The following APBB2 variants were observed in gnomAD, a reference collection of about 807,000 sequenced individuals.
APBB2 encodes the protein Fe65-like 1.
In APBB2, 38 loss-of-function variants were observed where a neutral mutation model predicts 82.5. That is an observed-to-expected ratio of 0.46 (90% confidence interval 0.36 to 0.60). The LOEUF (loss-of-function observed/expected upper bound fraction) is 0.60, where lower values mean the gene tolerates loss of function less well. Ranked by LOEUF, APBB2 falls within the 20% of genes least tolerant of loss-of-function variation. The pLI is 0.00. For synonymous variants in APBB2, 341 were observed against 368.2 expected, an observed-to-expected ratio of 0.93 and a Z score of 0.85; for missense variants, 772 against 972.3, an observed-to-expected ratio of 0.79 and a Z score of 2.74.
intron 4 of APBB2, among the ~76,000 whole-genome samples, chr4:41,050,844 G>A (rs1335606629): frequency 6.6e-6 from 1 of 152,124 alleles, no homozygotes; most frequent in Admixed American, 6.6e-5. Context: ...ACTTATCCTG[G>A]AACAACCTGC....
intron 6 of APBB2, among the ~76,000 whole-genome samples, chr4:40,961,178 A>G (rs1401747089): frequency 6.6e-6 from 1 of 152,086 alleles, no homozygotes; most frequent in Non-Finnish European, 1.5e-5. Context: ...AATAAGTCAC[A>G]GTTATTTTGG....
At chr4:41,159,011 G>A (rs1233402199) in intron 1 of APBB2, among the ~76,000 whole-genome samples, 1 of 152,092 alleles carries the variant, frequency 6.6e-6, no homozygotes, top group Non-Finnish European at 1.5e-5. Flanking sequence ...CTGACTAAAA[G>A]GGTAGCTTTA....
intron 12 of APBB2, among the ~76,000 whole-genome samples, chr4:40,851,972 T>C (rs1025062441): frequency 6.6e-6 from 1 of 152,074 alleles, no homozygotes; most frequent in Non-Finnish European, 1.5e-5. Flanking sequence ...AGTTACCCTC[T>C]TTGAATTGAA....
chr4:41,012,980 CTAGT>C (rs1479589725), intron 6 of APBB2, among the ~76,000 whole-genome samples: 13 of 152,160 alleles, frequency 8.5e-5, no homozygotes, highest in African/African-American at 3.1e-4. Flanking sequence ...CTCAATTAGA[CTAGT>C]TAAAAGTCTA....
intron 10 of APBB2, among the ~76,000 whole-genome samples, chr4:40,928,478 CTGAGGCAGGAGAATCGAT>C (rs1424058612): frequency 6.6e-6 from 1 of 151,798 alleles, no homozygotes; most frequent in Non-Finnish European, 1.5e-5. Context: ...ACTTGGGAGG[CTGAGGCAGGAGAATCGAT>C]TGAACCAGGA....
intron 2 of APBB2, among the ~76,000 whole-genome samples, chr4:41,119,969 T>G (rs373243558): frequency 3.3e-5 from 5 of 152,336 alleles, no homozygotes; most frequent in African/African-American, 1.2e-4. Flanking sequence ...TTTTATGGTT[T>G]GTGTTCCATG....
intron 10 of APBB2, among the ~76,000 whole-genome samples, chr4:40,922,835 C>A (rs1171591241): frequency 6.6e-6 from 1 of 150,806 alleles, no homozygotes; most frequent in Non-Finnish European, 1.5e-5. Context: ...CCAGGCTGGT[C>A]TTGAACTCCT....
At chr4:40,931,994 T>C (rs907690216) in intron 10 of APBB2, among the ~76,000 whole-genome samples, 13 of 152,142 alleles carry the variant, frequency 8.5e-5, no homozygotes, top group African/African-American at 3.1e-4. Context: ...GAAATAGACA[T>C]GCTGGCAATA....
At chr4:40,921,141 AAGAC>A (rs1407504809) in intron 10 of APBB2, among the ~76,000 whole-genome samples, 1 of 152,198 alleles carries the variant, frequency 6.6e-6, no homozygotes, top group African/African-American at 2.4e-5. Flanking sequence ...ATAAAACTGA[AAGAC>A]AGAAAACTGA....
intron 1 of APBB2, among the ~76,000 whole-genome samples, chr4:41,177,399 C>T (rs533159304): frequency 6.6e-6 from 1 of 152,244 alleles, no homozygotes; most frequent in South Asian, 2.1e-4. Flanking sequence ...CCATGCTTTT[C>T]TCATTCTGCA....
intron 6 of APBB2, among the ~76,000 whole-genome samples, chr4:40,971,319 A>AT (rs558350391): frequency 6.6e-6 from 1 of 152,270 alleles, no homozygotes; most frequent in South Asian, 2.1e-4. Flanking sequence ...TCTTTCATTA[A>AT]TTTTTTTACA....
intron 3 of APBB2, among the ~76,000 whole-genome samples, chr4:41,089,481 A>T (rs560754165): frequency 6.6e-6 from 1 of 152,236 alleles, no homozygotes; most frequent in Admixed American, 6.5e-5. Context: ...CAACAATCAC[A>T]CATTTTTTCC....
chr4:41,131,064 T>C (rs948918448), intron 2 of APBB2, among the ~76,000 whole-genome samples: 3 of 152,138 alleles, frequency 2.0e-5, no homozygotes, highest in African/African-American at 7.2e-5. Context: ...AGTACAATGT[T>C]TTAATTTTTT....
rs1744892889 is a variant in APBB2 at position 40,813,652 on chromosome 4, C to A, written c.*2440G>T. 2 of 152,156 alleles carry A rather than the reference C, an allele frequency of 1.3e-5. No homozygotes were observed. Among genetic ancestry groups the A allele is most frequent in the Admixed American group, 6.5e-5 (1 of 15,282 alleles). 9.4% of individuals were successfully genotyped at this position (152,156 alleles called of 1,614,324 possible). ...TTCATCTTAATGCATCCTATAATTGCACATATAAATCAGTTTGCTACTTAA... is the reference window on the plus strand; with the variant it reads ...TTCATCTTAATGCATCCTATAATTGAACATATAAATCAGTTTGCTACTTAA... On this transcript the variant is annotated 3_prime_UTR_variant, in exon 18 of 18. Transcript: ENST00000508593.
chr4:41,003,068 G>A (rs1805679028), intron 6 of APBB2, among the ~76,000 whole-genome samples: 1 of 152,116 alleles, frequency 6.6e-6, no homozygotes, highest in African/African-American at 2.4e-5. Context: ...CCAGAACTGA[G>A]CCATACTACT....
intron 6 of APBB2, among the ~76,000 whole-genome samples, chr4:40,965,095 G>GGGC (rs548903486): frequency 3.3e-5 from 5 of 151,448 alleles, no homozygotes; most frequent in Non-Finnish European, 7.4e-5. Flanking sequence ...ACTCCAGCCA[G>GGGC]GGCGACAGAG....
At position 40,811,626 on chromosome 4, in the gene APBB2, A is replaced by C. The variant is rs1744430133; in HGVS notation, c.*4466T>G. The C allele has an allele frequency of 1.3e-5, 2 of 149,370 alleles. No homozygotes were observed. Among genetic ancestry groups the C allele is most frequent in the African/African-American group, 2.4e-5 (1 of 40,836 alleles). 9.3% of individuals were successfully genotyped at this position (149,370 alleles called of 1,614,324 possible). A position where few individuals can be genotyped will look rare whatever the true frequency, so the allele number is the denominator to read the frequency against. On this transcript the variant is annotated 3_prime_UTR_variant, in exon 18 of 18. Coordinates refer to ENST00000508593, the MANE Select transcript of APBB2 (RefSeq NM_004307.2). ...TGACATGTTTCATTTGGCATTTTAC[A>C]TTCTTGGACTTCTTCTTGAGATAAA...
chr4:40,999,645 G>T (rs1804591959), intron 6 of APBB2, among the ~76,000 whole-genome samples: 1 of 152,074 alleles, frequency 6.6e-6, no homozygotes, highest in Non-Finnish European at 1.5e-5. Flanking sequence ...CTGAAAATTA[G>T]AATTTTTAAA....
chr4:40,901,889 C>T (rs1775393113), intron 10 of APBB2, among the ~76,000 whole-genome samples: 2 of 146,718 alleles, frequency 1.4e-5, no homozygotes, highest in South Asian at 4.3e-4. Context: ...TCTAAACACC[C>T]TGAAAATATA....
Sources: gnomAD v4.1 joint callset for allele counts (sites outside exome capture counted in the v4.1 genomes callset) on GRCh38, gnomAD v4.1.1 for gene constraint, MANE v1.5 for transcripts, NCBI Gene and HGNC (gene_info 2026-07-23, HGNC 2026-07-21) for gene names.